MS4A12: variants seen among roughly 807,000 people sequenced by gnomAD.
MS4A12 encodes membrane spanning 4-domains A12.
In MS4A12, 28 loss-of-function variants were observed where a neutral mutation model predicts 23.7. The ratio of observed to expected loss-of-function variants is 1.18; its 90% CI spans 0.88 to 1.62. MS4A12 has a LOEUF of 1.62. MS4A12 is among the 40% of genes most tolerant of loss of function. MS4A12 has a pLI of 0.00. For missense variants in MS4A12, 342 were observed against 327.0 expected (o/e 1.05, Z -0.35); for synonymous variants, 108 against 110.1 (o/e 0.98, Z 0.12).
Position 60,501,147 on chromosome 11 carries a change from G to A in MS4A12, c.379G>A (p.Val127Ile). 1.9e-6 allele frequency: 3 copies of A among 1,612,804 alleles called. No homozygotes were observed. Among genetic ancestry groups the A allele is most frequent in the African/African-American group, 1.3e-5 (1 of 74,906 alleles). The change falls in exon 3 of 7, where the codon GTT (valine) becomes ATT (isoleucine). Residue 127 changes from valine to isoleucine, a missense_variant. Coordinates refer to ENST00000016913, the MANE Select transcript of MS4A12 (RefSeq NM_017716.3). ...REVLGFASTA[V>I]IGGYPFWGGL... ...AGTATTAGGTTTTGCCTCTACTGCT[G>A]TTATTGGTGGATACCCATTCTGGGG...
chr11:60,497,230 A>ATTGATAT, intron 1 of MS4A12, 83 bp from the exon 2 acceptor site: 1 of 1,423,626 alleles, frequency 7.0e-7, no homozygotes, highest in Non-Finnish European at 9.6e-7. Context: ...TGCATAGATA[A>ATTGATAT]TTGACATTTG....
rs559263460 is a variant in MS4A12 at position 60,497,277 on chromosome 11, T to C, written c.-6-36T>C. 1.3e-5 allele frequency: 20 copies of C among 1,555,474 alleles called. No individual in the cohort carries two copies. In the African/African-American group the frequency reaches 1.5e-4, roughly 12 times the overall value. On this transcript the variant is annotated intron_variant, in intron 1 of 6. Coordinates refer to ENST00000016913, the MANE Select transcript of MS4A12 (RefSeq NM_017716.3). Reference sequence around the variant, plus strand: ...GATTTTCTTTAGTTTCTTTTCTGGATAAACGTATCACTTTTGTATGTTTTG... The same window carrying C: ...GATTTTCTTTAGTTTCTTTTCTGGACAAACGTATCACTTTTGTATGTTTTG...
chr11:60,500,979 T>C lies in MS4A12; in HGVS notation c.277-66T>C, dbSNP rs560643847. ...GACAATAAATAAGCAGGGGCAGCAATGACAGTAATGTTTCACACGTCTGAA... is the reference window on the plus strand; with the variant it reads ...GACAATAAATAAGCAGGGGCAGCAACGACAGTAATGTTTCACACGTCTGAA... On this transcript the variant is annotated intron_variant, in intron 2 of 6. Coordinates refer to ENST00000016913, the MANE Select transcript of MS4A12 (RefSeq NM_017716.3). The C allele has an allele frequency of 6.0e-6, 9 of 1,500,302 alleles. No individual in the cohort carries two copies. In the South Asian group the frequency reaches 9.5e-5, roughly 16 times the overall value. 92.9% of individuals were successfully genotyped at this position (1,500,302 alleles called of 1,614,324 possible).
chr11:60,505,348 T>C (rs1262580348), intron 5 of MS4A12, among the ~76,000 whole-genome samples: 1 of 152,034 alleles, frequency 6.6e-6, no homozygotes, highest in Non-Finnish European at 1.5e-5. Flanking sequence ...ACCAGGTTCC[T>C]CCCACAACAA....
chr11:60,498,066 A>G (rs1309065699), intron 2 of MS4A12: 2 of 159,912 alleles, frequency 1.3e-5, no homozygotes, highest in Non-Finnish European at 2.7e-5. Flanking sequence ...TCTTTCACCA[A>G]TACCCTTAGA....
rs368150923 is a variant in MS4A12 at position 60,506,844 on chromosome 11, T to C, written c.699+6T>C. The C allele has an allele frequency of 8.7e-6, 14 of 1,607,706 alleles. No individual in the cohort carries two copies. The African/African-American group carries it at 1.7e-4, about 20-fold the overall frequency. On this transcript the variant is annotated splice_donor_region_variant and intron_variant, in intron 6 of 6. Transcript: ENST00000016913. ...CAAACACCACAACCAATATGGTGAG[T>C]TGGGTCTCTTCTTTGTAAAATAATC...
chr11:60,501,319 A>G (rs527241067), intron 3 of MS4A12, 137 bp downstream of exon 3: 6 of 953,078 alleles, frequency 6.3e-6, no homozygotes, highest in Non-Finnish European at 8.8e-6. Context: ...GAGAATTTAG[A>G]AAAATTAACA....
chr11:60,501,442 T>C (rs758244450), intron 3 of MS4A12, among the ~76,000 whole-genome samples: 15 of 152,260 alleles, frequency 9.9e-5, no homozygotes, highest in Non-Finnish European at 1.6e-4. Flanking sequence ...CTTTAAAATT[T>C]AATCATGTAA....
intron 1 of MS4A12, among the ~76,000 whole-genome samples, chr11:60,493,431 G>C (rs1038077430): frequency 6.6e-6 from 1 of 151,454 alleles, no homozygotes; most frequent in Non-Finnish European, 1.5e-5. Context: ...AGGTTCAACT[G>C]TATGCCATTC....
rs56937795 is a variant in MS4A12, at chr11:60,499,851, T to C, written c.277-1194T>C. On this transcript the variant is annotated intron_variant, in intron 2 of 6. Transcript: ENST00000016913. ...ATTATTCCTCAGAAATCTATCTTTA[T>C]TTACAATGAAGGAAGGTTCAATAAG... Among the ~76,000 whole-genome samples the C allele has an allele frequency of 1.1e-4, 17 of 152,298 alleles. No individual in the cohort carries two copies. The East Asian group carries it at 3.3e-3, about 29-fold the overall frequency.
chr11:60,506,917 A>G, intron 6 of MS4A12, 79 bp downstream of exon 6: 6 of 1,532,780 alleles, frequency 3.9e-6, no homozygotes, highest in Non-Finnish European at 5.4e-6. Context: ...AAATCCTACT[A>G]TCGGCTTACC....
At chr11:60,495,286 T>A (rs2086480187) in intron 1 of MS4A12, among the ~76,000 whole-genome samples, 1 of 151,232 alleles carries the variant, frequency 6.6e-6, no homozygotes, top group African/African-American at 2.4e-5. Flanking sequence ...GTTTCCATTT[T>A]GAAAAAAAAA....
At chr11:60,504,292 C>T (rs1433133328) in intron 5 of MS4A12, among the ~76,000 whole-genome samples, 3 of 152,124 alleles carry the variant, frequency 2.0e-5, no homozygotes, top group Non-Finnish European at 2.9e-5. Context: ...TGAATGTGCT[C>T]AAAACACAAT....
In MS4A12 at chr11:60,497,253, A is replaced by T. The variant is rs1367240871; in HGVS notation, c.-6-60A>T. The T allele has an allele frequency of 1.3e-5, 19 of 1,502,650 alleles. No individual in the cohort carries two copies. The East Asian group carries it at 3.8e-4, about 30-fold the overall frequency. The allele number at this position is 1,502,650 out of a possible 1,614,324, so 93.1% of individuals were successfully genotyped here. On this transcript the variant is annotated intron_variant, in intron 1 of 6. Coordinates refer to ENST00000016913, the MANE Select transcript of MS4A12 (RefSeq NM_017716.3). ...TAATTGACATTTGACATTTGGTAAGATTTTCTTTAGTTTCTTTTCTGGATA... is the reference window on the plus strand; with the variant it reads ...TAATTGACATTTGACATTTGGTAAGTTTTTCTTTAGTTTCTTTTCTGGATA...
At chr11:60,497,111 A>C (rs2086492829) in intron 1 of MS4A12, among the ~76,000 whole-genome samples, 1 of 152,218 alleles carries the variant, frequency 6.6e-6, no homozygotes, top group Non-Finnish European at 1.5e-5. Context: ...CCAGGTTTCC[A>C]ACAGACCACA....
intron 4 of MS4A12, 106 bp from the exon 5 acceptor site, chr11:60,503,595 G>A: frequency 1.1e-6 from 1 of 900,442 alleles, no homozygotes; most frequent in South Asian, 1.8e-5. Context: ...TTGAAAAATT[G>A]TTTTGAAAGT....
At chr11:60,504,205 A>T (rs1335491511) in intron 5 of MS4A12, among the ~76,000 whole-genome samples, 1 of 152,236 alleles carries the variant, frequency 6.6e-6, no homozygotes, top group Non-Finnish European at 1.5e-5. Context: ...TGAGAGGGAA[A>T]TGACAGGGAT....
At chr11:60,503,579 T>C in intron 4 of MS4A12, 122 bp from the exon 5 acceptor site, 1 of 787,134 alleles carries the variant, frequency 1.3e-6, no homozygotes, top group Non-Finnish European at 2.0e-6. Flanking sequence ...ACAGAATAAT[T>C]TCAACTTGAA....
intron 5 of MS4A12, among the ~76,000 whole-genome samples, chr11:60,504,847 T>C (rs2086558748): frequency 6.6e-6 from 1 of 152,184 alleles, no homozygotes; most frequent in African/African-American, 2.4e-5. Context: ...CTGAAAGTTG[T>C]CTAGGCACTC....
Sources: allele counts gnomAD v4.1 joint callset (sites outside exome capture counted in the v4.1 genomes callset), GRCh38; gene constraint gnomAD v4.1.1; transcripts MANE v1.5; gene names NCBI Gene and HGNC (gene_info 2026-07-23, HGNC 2026-07-21).